WDR70: variants seen among roughly 807,000 people sequenced by gnomAD.
WDR70 encodes WD repeat-containing protein 70.
A neutral mutation model predicts 88.6 loss-of-function variants in WDR70; 53 were observed. The ratio of observed to expected loss-of-function variants is 0.60; its 90% confidence interval spans 0.48 to 0.75. The LOEUF (loss-of-function observed/expected upper bound fraction) is 0.75, where lower values mean the gene tolerates loss of function less well. Among genes scored for constraint, WDR70 ranks in the 30% least tolerant of loss-of-function variants. WDR70 has a pLI of 0.00. For missense variants in WDR70, 610 were observed against 823.2 expected (o/e 0.74, Z 3.17); for synonymous variants, 280 against 270.0 (o/e 1.04, Z -0.36).
intron 9 of WDR70, among the ~76,000 whole-genome samples, chr5:37,554,678 G>GCACACACACACACA (rs3068425): frequency 1.4e-5 from 2 of 147,766 alleles, no homozygotes; most frequent in African/African-American, 5.0e-5. Flanking sequence ...GCACCTGCAC[G>GCACACACACACACA]CACACACACA....
intron 7 of WDR70, among the ~76,000 whole-genome samples, chr5:37,470,750 G>C (rs1040134114): frequency 6.6e-6 from 1 of 152,044 alleles, no homozygotes; most frequent in Non-Finnish European, 1.5e-5. Context: ...TTTCTGGTTT[G>C]GGGCTATTAT....
chr5:37,581,944 A>C (rs763217093), intron 9 of WDR70, among the ~76,000 whole-genome samples: 15 of 152,136 alleles, frequency 9.9e-5, no homozygotes, highest in Non-Finnish European at 2.2e-4. Context: ...ATTTCACTAA[A>C]TTCCAAATCC....
At chr5:37,385,118 A>G (rs954601220) in intron 3 of WDR70, among the ~76,000 whole-genome samples, 6 of 152,192 alleles carry the variant, frequency 3.9e-5, no homozygotes, top group Non-Finnish European at 7.3e-5. Context: ...GCACTGGGCA[A>G]GGTATGGGGT....
chr5:37,701,503 T>C (rs780749430), intron 12 of WDR70, among the ~76,000 whole-genome samples: 9 of 152,092 alleles, frequency 5.9e-5, no homozygotes, highest in Non-Finnish European at 1.2e-4. Flanking sequence ...ATTTGAGCTC[T>C]AGTCAGCCAG....
intron 10 of WDR70, among the ~76,000 whole-genome samples, chr5:37,693,952 C>G (rs1746898540): frequency 6.6e-6 from 1 of 152,124 alleles, no homozygotes; most frequent in Non-Finnish European, 1.5e-5. Context: ...TGCTATCTAC[C>G]TATCTGACGA....
At chr5:37,418,598 A>G (rs1352411072) in intron 5 of WDR70, among the ~76,000 whole-genome samples, 2 of 151,960 alleles carry the variant, frequency 1.3e-5, no homozygotes, top group Non-Finnish European at 2.9e-5. Context: ...AAAAGTTAGG[A>G]TGTTCTCCTT....
intron 10 of WDR70, among the ~76,000 whole-genome samples, chr5:37,674,440 T>A (rs1746134635): frequency 6.6e-6 from 1 of 152,068 alleles, no homozygotes; most frequent in African/African-American, 2.4e-5. Context: ...TGTCCATGTG[T>A]TCTCATTGTT....
In WDR70 at chr5:37,435,563, A is replaced by G. The variant is rs576695852; in HGVS notation, c.493-2359A>G. The stretch of plus-strand genomic sequence containing the variant: ...AACAGTAATGTCTTTGTCTTGAAAA[A>G]AACTGCAATTCCCCAACTGTTTCTT... On this transcript the variant is annotated intron_variant, in intron 5 of 17. Transcript: ENST00000265107. Among the ~76,000 whole-genome samples, 5 of 152,338 alleles carry G rather than the reference A, an allele frequency of 3.3e-5. No individual in the cohort carries two copies. In the East Asian group the frequency reaches 9.6e-4, roughly 29 times the overall value.
intron 17 of WDR70, among the ~76,000 whole-genome samples, chr5:37,737,371 A>G (rs151140602): frequency 6.6e-6 from 1 of 152,320 alleles, no homozygotes; most frequent in Non-Finnish European, 1.5e-5. Flanking sequence ...GTAACTAAGT[A>G]CAGTGTACTG....
chr5:37,677,336 A>G lies in WDR70; in HGVS notation c.1093-20319A>G, dbSNP rs1249190550. On this transcript the variant is annotated intron_variant, in intron 10 of 17. Transcript: ENST00000265107. ...TTTTAATTGTGACATTAGGGTGTCA[A>G]TTTTGGATCTTTCCTGCTTTCTCTT... 3.3e-5 allele frequency among the ~76,000 whole-genome samples: 5 copies of G among 151,972 alleles called. 1 individual carries two copies. The highest frequency in any genetic ancestry group is 9.7e-5 in the African/African-American group (4 of 41,300).
At chr5:37,664,363 C>G (rs1460970116) in intron 10 of WDR70, among the ~76,000 whole-genome samples, 13 of 152,158 alleles carry the variant, frequency 8.5e-5, no homozygotes, top group Non-Finnish European at 1.9e-4. Flanking sequence ...TTTATCTGCT[C>G]CTGGTCTGTT....
chr5:37,650,895 C>T (rs888727340), intron 10 of WDR70, among the ~76,000 whole-genome samples: 1 of 151,988 alleles, frequency 6.6e-6, no homozygotes, highest in Non-Finnish European at 1.5e-5. Context: ...TTTTAAAATT[C>T]TGCCTTGAAA....
At chr5:37,562,448 T>TC (rs752334043) in intron 9 of WDR70, among the ~76,000 whole-genome samples, 1,064 of 55,642 alleles carry the variant, frequency 0.019, 7 homozygotes, top group Non-Finnish European at 0.043. Flanking sequence ...TTAATTCTCT[T>TC]TTTTTTTTTT....
intron 8 of WDR70, among the ~76,000 whole-genome samples, chr5:37,500,887 G>A (rs551619462): frequency 7.2e-5 from 11 of 151,782 alleles, no homozygotes; most frequent in Non-Finnish European, 1.0e-4. Context: ...ACAGGTGTGC[G>A]CCACCACACC....
At chr5:37,573,350 T>G (rs1742963310) in intron 9 of WDR70, among the ~76,000 whole-genome samples, 1 of 152,204 alleles carries the variant, frequency 6.6e-6, no homozygotes, top group South Asian at 2.1e-4. Context: ...AAGGCCCCTG[T>G]TCACCCGAAT....
chr5:37,416,187 C>T (rs1483666005), intron 5 of WDR70, among the ~76,000 whole-genome samples: 4 of 152,134 alleles, frequency 2.6e-5, no homozygotes, highest in Non-Finnish European at 2.9e-5. Flanking sequence ...TGTAGCGAGC[C>T]GAGATCACGC....
intron 3 of WDR70, among the ~76,000 whole-genome samples, chr5:37,388,738 C>A (rs530800551): frequency 1.4e-4 from 20 of 140,896 alleles, no homozygotes; most frequent in South Asian, 2.3e-4. Context: ...GACTCCGTCT[C>A]AAAAAAAAAA....
chr5:37,698,596 C>T (rs1405264746), intron 11 of WDR70, among the ~76,000 whole-genome samples: 1 of 152,192 alleles, frequency 6.6e-6, no homozygotes, highest in East Asian at 1.9e-4. Context: ...CACTCGACTA[C>T]TGTATATTGA....
intron 7 of WDR70, among the ~76,000 whole-genome samples, chr5:37,477,762 C>T (rs1166976785): frequency 1.3e-5 from 2 of 152,162 alleles, no homozygotes; most frequent in Non-Finnish European, 2.9e-5. Flanking sequence ...TTCTCCTCAT[C>T]TCCTTGTCTC....
Sources: gnomAD v4.1 joint callset for allele counts (sites outside exome capture counted in the v4.1 genomes callset) on GRCh38, gnomAD v4.1.1 for gene constraint, MANE v1.5 for transcripts, NCBI Gene and HGNC (gene_info 2026-07-23, HGNC 2026-07-21) for gene names.